The following SUMF1 variants were observed in gnomAD, a reference collection of about 807,000 sequenced individuals.
SUMF1 encodes the protein formylglycine-generating enzyme.
Under a neutral mutation model 47.6 loss-of-function variants are expected in SUMF1, and 48 were observed. The ratio of observed to expected loss-of-function variants is 1.01; its 90% CI spans 0.80 to 1.28. The LOEUF is 1.28. SUMF1 is among the 50% of genes most tolerant of loss of function. The pLI is 0.00. For missense variants in SUMF1, 571 were observed against 485.4 expected, an observed-to-expected ratio of 1.18 and a Z score of -1.66; for synonymous variants, 230 against 192.1, an observed-to-expected ratio of 1.20 and a Z score of -1.63.
intron 8 of SUMF1, among the ~76,000 whole-genome samples, chr3:4,109,076 T>C (rs1317829753): frequency 4.6e-5 from 7 of 152,098 alleles, no homozygotes; most frequent in African/African-American, 1.4e-4. Flanking sequence ...TTGTTCCTTT[T>C]CATGTTTAGT....
chr3:4,086,219 A>G (rs1208905894), intron 8 of SUMF1, among the ~76,000 whole-genome samples: 5 of 149,768 alleles, frequency 3.3e-5, no homozygotes, highest in East Asian at 1.9e-4. Flanking sequence ...GAATCAGAAA[A>G]AAAAAAAAAA....
intron 4 of SUMF1, 51 bp downstream of exon 4, chr3:4,420,013 A>AT: frequency 6.8e-7 from 1 of 1,471,442 alleles, no homozygotes; most frequent in Non-Finnish European, 9.5e-7. Flanking sequence ...AGCAAAGGGT[A>AT]CCTATTTTGC....
rs367696610 is a variant in SUMF1 at position 4,217,970 on chromosome 3, T to C, written c.1015-149225A>G. On this transcript the variant is annotated intron_variant and NMD_transcript_variant, in intron 8 of 12. Coordinates refer to the SUMF1 transcript ENST00000448413. The stretch of plus-strand genomic sequence containing the variant: ...AATCTCACCTTGAAATCCTGTTACT[T>C]CAGTCAAAACATTCAGTTTAATATC... Among the ~76,000 whole-genome samples, 3 of 152,196 alleles carry C rather than the reference T, an allele frequency of 2.0e-5. No individual in the cohort carries two copies. The South Asian group carries it at 6.2e-4, about 32-fold the overall frequency.
chr3:4,185,052 T>C (rs1390093440), intron 8 of SUMF1, among the ~76,000 whole-genome samples: 2 of 152,188 alleles, frequency 1.3e-5, no homozygotes, highest in African/African-American at 4.8e-5. Context: ...ATTTTGTTGG[T>C]AAAATTTTAT....
intron 3 of SUMF1, among the ~76,000 whole-genome samples, chr3:4,433,747 G>A (rs1702308504): frequency 6.6e-6 from 1 of 152,232 alleles, no homozygotes; most frequent in Non-Finnish European, 1.5e-5. Flanking sequence ...GTACCTGGAA[G>A]ACAGTGGGAC....
intron 8 of SUMF1, among the ~76,000 whole-genome samples, chr3:4,278,014 G>C (rs1165196426): frequency 2.0e-5 from 3 of 152,086 alleles, no homozygotes; most frequent in Admixed American, 6.5e-5. Context: ...ACTACAAAAT[G>C]AATTTCTTTT....
At chr3:4,360,324 T>G (rs551282103), downstream of SUMF1, among the ~76,000 whole-genome samples, 3 of 151,626 alleles carry the variant, frequency 2.0e-5, no homozygotes, top group Admixed American at 6.6e-5. Context: ...ACATGACTTT[T>G]TTTTTTTTTT....
Position 4,120,862 on chromosome 3 carries a change from G to A in SUMF1, c.1015-52117C>T, listed in dbSNP as rs186026871. ...TGGTTCCACAATTTACTAACTGTAT[G>A]ACCATGGCAAACTGCCAAAATCCCA... On this transcript the variant is annotated intron_variant and NMD_transcript_variant, in intron 8 of 12. Transcript: ENST00000448413. Among the ~76,000 whole-genome samples the A allele has an allele frequency of 3.7e-4, 56 of 152,292 alleles. 1 individual carries two copies. Among genetic ancestry groups the A allele is most frequent in the Middle Eastern group, 3.4e-3 (1 of 294 alleles).
intron 8 of SUMF1, among the ~76,000 whole-genome samples, chr3:4,236,882 G>A (rs1305851013): frequency 1.3e-5 from 2 of 152,052 alleles, no homozygotes; most frequent in African/African-American, 4.8e-5. Flanking sequence ...CAAAAACTCT[G>A]TGTTCCACCT....
At chr3:4,138,597 C>T (rs932092622) in intron 8 of SUMF1, among the ~76,000 whole-genome samples, 1 of 152,072 alleles carries the variant, frequency 6.6e-6, no homozygotes, top group African/African-American at 2.4e-5. Flanking sequence ...GTTGGCAATA[C>T]CCTTTGAGCT....
rs577911246 is a variant in SUMF1, at chr3:4,038,594, C to T, written c.1191+29975G>A. Among the ~76,000 whole-genome samples, 5 of 152,290 alleles carry T rather than the reference C, an allele frequency of 3.3e-5. No homozygotes were observed. In the South Asian group the frequency reaches 1.0e-3, roughly 32 times the overall value. Reference sequence around the variant, plus strand: ...CTGTTGGTGTGAGCTTGGGGCTCCACTTGCTGGGGAGCAAAGGGCGAAGGG... The same window carrying T: ...CTGTTGGTGTGAGCTTGGGGCTCCATTTGCTGGGGAGCAAAGGGCGAAGGG... On this transcript the variant is annotated intron_variant and NMD_transcript_variant, in intron 9 of 12. Coordinates refer to the SUMF1 transcript ENST00000448413.
chr3:4,072,535 A>T (rs111594297), intron 8 of SUMF1, among the ~76,000 whole-genome samples: 4 of 151,918 alleles, frequency 2.6e-5, no homozygotes, highest in African/African-American at 9.7e-5. Context: ...CAAACTTATC[A>T]GAGCTAAAGG....
intron 8 of SUMF1, among the ~76,000 whole-genome samples, chr3:4,367,137 T>C (rs1044194282): frequency 6.6e-6 from 1 of 151,332 alleles, no homozygotes; most frequent in African/African-American, 2.4e-5. Flanking sequence ...ACTGGGGGGG[T>C]GCCTCACAGT....
At chr3:4,120,995 A>G (rs1430747393) in intron 8 of SUMF1, among the ~76,000 whole-genome samples, 1 of 152,182 alleles carries the variant, frequency 6.6e-6, no homozygotes, top group East Asian at 1.9e-4. Flanking sequence ...ATAGCTGATA[A>G]CAGATAGGAA....
At chr3:4,162,865 G>T (rs1694610512) in intron 8 of SUMF1, among the ~76,000 whole-genome samples, 1 of 151,728 alleles carries the variant, frequency 6.6e-6, no homozygotes, top group Admixed American at 6.6e-5. Context: ...GGGACAATCA[G>T]TGGAGGCTTC....
chr3:4,276,319 A>G (rs1462400661), intron 8 of SUMF1, among the ~76,000 whole-genome samples: 2 of 152,232 alleles, frequency 1.3e-5, no homozygotes, highest in African/African-American at 4.8e-5. Flanking sequence ...GAAATAGCCT[A>G]AAAAGACATA....
intron 8 of SUMF1, among the ~76,000 whole-genome samples, chr3:4,108,090 G>A (rs1003425009): frequency 1.3e-5 from 2 of 152,122 alleles, no homozygotes; most frequent in African/African-American, 4.8e-5. Flanking sequence ...ACTGTAGGTT[G>A]CTATTCATAA....
chr3:4,344,744 G>C (rs1699340144), intron 8 of SUMF1, among the ~76,000 whole-genome samples: 1 of 152,008 alleles, frequency 6.6e-6, no homozygotes. Context: ...ATGAGCTAAA[G>C]GAACATGTTC....
At chr3:4,451,765 G>T (rs1414691880) in intron 2 of SUMF1, among the ~76,000 whole-genome samples, 1 of 152,190 alleles carries the variant, frequency 6.6e-6, no homozygotes, top group East Asian at 1.9e-4. Context: ...CTCACTGCAA[G>T]CTCCGCCTCC....
Sources: gnomAD v4.1 joint callset for allele counts (sites outside exome capture counted in the v4.1 genomes callset) on GRCh38, gnomAD v4.1.1 for gene constraint, MANE v1.5 for transcripts, NCBI Gene and HGNC (gene_info 2026-07-23, HGNC 2026-07-21) for gene names.